The following PACRG variants were observed in gnomAD, a reference collection of about 807,000 sequenced individuals.
PACRG encodes the protein parkin coregulated.
Under a neutral mutation model 29.7 loss-of-function variants are expected in PACRG, and 29 were observed. That is an observed-to-expected ratio of 0.98 (90% CI 0.73 to 1.33). The LOEUF (loss-of-function observed/expected upper bound fraction) is 1.33, where lower values mean the gene tolerates loss of function less well. PACRG is among the 40% of genes most tolerant of loss of function. The pLI, the probability that PACRG is intolerant of heterozygous loss-of-function variation, is 0.00. For missense variants in PACRG, 279 were observed against 316.2 expected (o/e 0.88, Z 0.89); for synonymous variants, 116 against 118.7 (o/e 0.98, Z 0.15).
chr6:163,312,528 C>A (rs6906613), intron 4 of PACRG, among the ~76,000 whole-genome samples: 3,304 of 94,128 alleles, frequency 0.035, 114 homozygotes, highest in African/African-American at 0.091. Context: ...GCGGAGCCAC[C>A]GGGCTTCATC....
intron 4 of PACRG, chr6:163,312,643 A>G: frequency 3.5e-6 from 1 of 286,126 alleles, no homozygotes; most frequent in South Asian, 2.7e-5. Context: ...ATGCATATCC[A>G]TTTACATGTT....
intron 4 of PACRG, among the ~76,000 whole-genome samples, chr6:163,226,900 T>C (rs1159875961): frequency 6.6e-6 from 1 of 152,216 alleles, no homozygotes; most frequent in African/African-American, 2.4e-5. Flanking sequence ...TTAAAAATCA[T>C]GGTAAACTGA....
chr6:163,286,140 A>G (rs1479659477), intron 4 of PACRG, among the ~76,000 whole-genome samples: 2 of 152,266 alleles, frequency 1.3e-5, no homozygotes, highest in East Asian at 3.9e-4. Flanking sequence ...TTTATAGTCC[A>G]TGTCTTTTGG....
chr6:162,803,553 A>G (rs1010029132), intron 1 of PACRG, among the ~76,000 whole-genome samples: 2 of 152,258 alleles, frequency 1.3e-5, no homozygotes, highest in African/African-American at 4.8e-5. Context: ...AGACTTTCTT[A>G]CACAAAATTT....
At chr6:162,883,402 C>T (rs537058141) in intron 2 of PACRG, among the ~76,000 whole-genome samples, 3 of 152,120 alleles carry the variant, frequency 2.0e-5, no homozygotes, top group African/African-American at 7.2e-5. Flanking sequence ...TTGCTGATGA[C>T]GTACCAAATA....
intron 4 of PACRG, among the ~76,000 whole-genome samples, chr6:163,090,729 C>G (rs1351605630): frequency 6.6e-6 from 1 of 152,138 alleles, no homozygotes; most frequent in Non-Finnish European, 1.5e-5. Context: ...AAAAGAAACT[C>G]TAACTGCATA....
chr6:163,271,500 G>A (rs1481638176), intron 4 of PACRG, among the ~76,000 whole-genome samples: 2 of 152,120 alleles, frequency 1.3e-5, no homozygotes, highest in Admixed American at 1.3e-4. Context: ...TAGATCTTTT[G>A]TGACTTTACT....
intron 4 of PACRG, among the ~76,000 whole-genome samples, chr6:163,102,702 T>A (rs986935240): frequency 1.3e-5 from 2 of 152,218 alleles, no homozygotes; most frequent in Non-Finnish European, 2.9e-5. Context: ...TGAAGCTACC[T>A]ACCAACTAGA....
intron 2 of PACRG, among the ~76,000 whole-genome samples, chr6:163,048,289 G>A (rs1261222386): frequency 6.6e-6 from 1 of 152,182 alleles, no homozygotes; most frequent in Non-Finnish European, 1.5e-5. Context: ...AGTTCACCAT[G>A]AAGTATGGGA....
At chr6:163,152,255 T>G (rs2128338788) in intron 4 of PACRG, among the ~76,000 whole-genome samples, 1 of 152,366 alleles carries the variant, frequency 6.6e-6, no homozygotes, top group East Asian at 1.9e-4. Flanking sequence ...AATTATATTT[T>G]GGGACATTAA....
chr6:162,811,116 G>A (rs1475891032), intron 1 of PACRG, among the ~76,000 whole-genome samples: 2 of 152,104 alleles, frequency 1.3e-5, no homozygotes, highest in African/African-American at 4.8e-5. Context: ...AGCCTTGAAG[G>A]GTAGATGGAA....
At chr6:163,048,212 G>A (rs377319942) in intron 2 of PACRG, among the ~76,000 whole-genome samples, 14 of 151,978 alleles carry the variant, frequency 9.2e-5, no homozygotes, top group African/African-American at 2.4e-4. Flanking sequence ...AACCTCCAGC[G>A]TAGGGTTGAA....
intron 1 of PACRG, among the ~76,000 whole-genome samples, chr6:162,753,877 C>T (rs1424183535): frequency 6.6e-6 from 1 of 152,098 alleles, no homozygotes; most frequent in Admixed American, 6.6e-5. Context: ...TATAAATTAC[C>T]CAGTCTCAGG....
chr6:163,030,718 G>C (rs1412317580), intron 2 of PACRG, among the ~76,000 whole-genome samples: 1 of 152,182 alleles, frequency 6.6e-6, no homozygotes, highest in Non-Finnish European at 1.5e-5. Context: ...TGGTATACAA[G>C]GGGTGGACTA....
At chr6:163,258,858 C>A (rs1351391887) in intron 4 of PACRG, among the ~76,000 whole-genome samples, 1 of 151,938 alleles carries the variant, frequency 6.6e-6, no homozygotes, top group Non-Finnish European at 1.5e-5. Flanking sequence ...TTTTTATTAA[C>A]ACTTCTGGCA....
At chr6:163,227,557 G>T (rs1163435174) in intron 4 of PACRG, among the ~76,000 whole-genome samples, 1 of 152,192 alleles carries the variant, frequency 6.6e-6, no homozygotes, top group Non-Finnish European at 1.5e-5. Flanking sequence ...ATTCCCATGG[G>T]TGTGCCGTCC....
intron 2 of PACRG, among the ~76,000 whole-genome samples, chr6:162,916,263 A>C (rs1562730016): frequency 6.6e-6 from 1 of 152,128 alleles, no homozygotes; most frequent in East Asian, 1.9e-4. Context: ...GATAATTTGA[A>C]TCATTGTTTC....
chr6:162,899,903 G>A (rs760711336), intron 2 of PACRG, among the ~76,000 whole-genome samples: 47 of 152,266 alleles, frequency 3.1e-4, no homozygotes, highest in Non-Finnish European at 3.4e-4. Context: ...AGGTCTGAGC[G>A]CAAGGAAGAG....
intron 4 of PACRG, among the ~76,000 whole-genome samples, chr6:163,177,646 C>T (rs1213236539): frequency 2.8e-5 from 4 of 142,450 alleles, no homozygotes; most frequent in African/African-American, 1.0e-4. Flanking sequence ...AGCCCCCTCT[C>T]GTGAGAAACT....
Sources: allele counts gnomAD v4.1 joint callset (sites outside exome capture counted in the v4.1 genomes callset), GRCh38; gene constraint gnomAD v4.1.1; transcripts MANE v1.5; gene names NCBI Gene and HGNC (gene_info 2026-07-23, HGNC 2026-07-21).